HEXD: variants seen among roughly 807,000 people sequenced by gnomAD.
HEXD encodes the protein N-acetyl-beta-galactosaminidase.
A neutral mutation model predicts 54.2 loss-of-function variants in HEXD; 47 were observed. The observed-to-expected ratio is 0.87, with a 90% confidence interval of 0.69 to 1.11. The LOEUF (loss-of-function observed/expected upper bound fraction) is 1.11, where lower values mean the gene tolerates loss of function less well. Ranked by LOEUF, HEXD falls within the 50% of genes least tolerant of loss-of-function variation. HEXD has a pLI of 0.00. For synonymous variants in HEXD, 293 were observed against 287.6 expected (o/e 1.02, Z -0.19); for missense variants, 576 against 649.2 (o/e 0.89, Z 1.23).
chr17:82,425,614 A>T (rs1480050558), intron 3 of HEXD: 1 of 152,538 alleles, frequency 6.6e-6, no homozygotes, highest in East Asian at 1.9e-4. Flanking sequence ...AGATAAATGC[A>T]CAATGGACAT....
intron 6 of HEXD, 126 bp from the exon 7 acceptor site, chr17:82,436,541 G>A (rs890093799): frequency 4.0e-4 from 295 of 729,244 alleles, no homozygotes; most frequent in Non-Finnish European, 5.7e-4. Flanking sequence ...AACCCAGCAC[G>A]GTGCCAAGTC....
chr17:82,436,890 C>G (rs2053785011), intron 7 of HEXD, 152 bp downstream of exon 7: 4 of 701,534 alleles, frequency 5.7e-6, no homozygotes, highest in Middle Eastern at 4.0e-4. Flanking sequence ...GCCCATGGTG[C>G]CTCGGGACGG....
At chr17:82,426,729 C>T (rs2053425084) in intron 3 of HEXD, 1 of 152,280 alleles carries the variant, frequency 6.6e-6, no homozygotes, top group South Asian at 2.1e-4. Flanking sequence ...TGGCTCACGC[C>T]TGTAATCCCA....
intron 4 of HEXD, among the ~76,000 whole-genome samples, chr17:82,431,993 C>G (rs1314732614): frequency 6.6e-6 from 1 of 152,252 alleles, no homozygotes; most frequent in Non-Finnish European, 1.5e-5. Flanking sequence ...GCTGTGTGCA[C>G]TCACTGATGT....
intron 6 of HEXD, 151 bp from the exon 7 acceptor site, chr17:82,436,516 G>A (rs2053771322): frequency 3.2e-6 from 2 of 623,442 alleles, no homozygotes; most frequent in East Asian, 5.8e-5. Context: ...GTGTGGTTGT[G>A]GCATTCATTG....
Position 82,433,815 on chromosome 17 carries a change from G to A in HEXD, c.440G>A (p.Cys147Tyr), listed in dbSNP as rs751042432. ...GGCGCCCAGCGGCTGCACATCGGGT[G>A]TGATGAGGTGGGTACTGTCACCCCA... ...HPGAQRLHIG[C>Y]DEVYYLGEGE... Residue 147 changes from cysteine to tyrosine, a missense_variant, in exon 5 of 13, where the codon TGT (cysteine) becomes TAT (tyrosine). Coordinates refer to ENST00000327949, the MANE Select transcript of HEXD (RefSeq NM_001330542.2). 1.9e-6 allele frequency: 3 copies of A among 1,611,752 alleles called. No individual in the cohort carries two copies. The highest frequency in any genetic ancestry group is 2.5e-6 in the Non-Finnish European group (3 of 1,179,264).
rs768217014 is a variant in HEXD at position 82,428,575 on chromosome 17, A to G, written c.212A>G (p.Glu71Gly). ...CTCTCCAGCCCCTCTGAAATCAAAG[A>G]GATCTTGCATCTGGCTGGACTCAAT... Reference protein sequence around the residue: ...KYAYSPSEIKEILHLAGLNEL... With the variant: ...KYAYSPSEIKGILHLAGLNEL... The change falls in exon 4 of 13, where the codon GAG (glutamate) becomes GGG (glycine). Residue 71 changes from glutamate (E) to glycine (G), a missense_variant. Coordinates refer to ENST00000327949, the MANE Select transcript of HEXD (RefSeq NM_001330542.2). The G allele has an allele frequency of 3.7e-6, 6 of 1,613,180 alleles. No homozygotes were observed. In the African/African-American group the frequency reaches 8.0e-5, roughly 22 times the overall value.
intron 7 of HEXD, 30 bp downstream of exon 7, chr17:82,436,768 TCCTGGCCATGTGCCTGGGAAGGCCATC>T (rs752099984): frequency 2.2e-5 from 35 of 1,596,916 alleles, no homozygotes; most frequent in Non-Finnish European, 3.0e-5. Flanking sequence ...GGGTGTGTTG[TCCTGGCCATGTGCCTGGGAAGGCCATC>T]CCTGGCCCTG....
intron 11 of HEXD, 70 bp downstream of exon 11, chr17:82,441,336 A>C: frequency 9.0e-6 from 5 of 553,240 alleles, no homozygotes; most frequent in Admixed American, 4.4e-5. Flanking sequence ...GTGAGGGGGC[A>C]GGTGTGGGTG....
At chr17:82,428,533 C>T (rs1313202705) in intron 3 of HEXD, 25 bp from the exon 4 acceptor site, 4 of 1,606,490 alleles carry the variant, frequency 2.5e-6, no homozygotes, top group Middle Eastern at 1.7e-4. Flanking sequence ...ACATGACCCT[C>T]TCTCTATGAA....
chr17:82,433,971 T>G (rs2053684894), intron 5 of HEXD, 149 bp downstream of exon 5: 4 of 732,048 alleles, frequency 5.5e-6, no homozygotes, highest in Admixed American at 4.0e-5. Context: ...TCCGAGTGGA[T>G]GGGCGGCCTG....
intron 8 of HEXD, among the ~76,000 whole-genome samples, 163 bp downstream of exon 8, chr17:82,437,526 G>A (rs1037325791): frequency 6.6e-6 from 1 of 152,226 alleles, no homozygotes; most frequent in African/African-American, 2.4e-5. Context: ...GTTGGGCCCT[G>A]CACGCCAGAG....
At chr17:82,428,759 C>A in intron 4 of HEXD, 114 bp downstream of exon 4, 1 of 812,388 alleles carries the variant, frequency 1.2e-6, no homozygotes, top group Non-Finnish European at 2.1e-6. Flanking sequence ...GGGGTGCAGG[C>A]AGCGCAGCTC....
At chr17:82,425,070 G>T (rs1487191214) in intron 3 of HEXD, among the ~76,000 whole-genome samples, 5 of 149,576 alleles carry the variant, frequency 3.3e-5, no homozygotes, top group African/African-American at 1.2e-4. Flanking sequence ...GCTGGAGAAG[G>T]CTGGAGAAGG....
chr17:82,427,502 G>C (rs965948032), intron 3 of HEXD, among the ~76,000 whole-genome samples: 4 of 152,110 alleles, frequency 2.6e-5, no homozygotes, highest in African/African-American at 9.7e-5. Context: ...GGTGAGCCAG[G>C]GTGTTGGCCT....
At chr17:82,424,526 C>G (rs1189551110) in intron 3 of HEXD, 23 bp downstream of exon 3, 4 of 1,558,594 alleles carry the variant, frequency 2.6e-6, no homozygotes, top group African/African-American at 1.4e-5. Context: ...GTGGCAGGTA[C>G]AGGGGCGCGG....
intron 4 of HEXD, among the ~76,000 whole-genome samples, chr17:82,429,500 TTGA>T (rs2053517280): frequency 6.6e-6 from 1 of 152,146 alleles, no homozygotes; most frequent in African/African-American, 2.4e-5. Flanking sequence ...GCCTTTCTAG[TTGA>T]TTCTCTCCAT....
At chr17:82,429,046 G>A (rs932304076) in intron 4 of HEXD, among the ~76,000 whole-genome samples, 5 of 152,064 alleles carry the variant, frequency 3.3e-5, no homozygotes, top group African/African-American at 1.2e-4. Flanking sequence ...GATCACCTGA[G>A]GTCAGGAGTT....
rs1057212497 is a variant in HEXD at position 82,440,308 on chromosome 17, G to A, written c.982+595G>A. The A allele has an allele frequency of 2.4e-5, 30 of 1,261,736 alleles. No homozygotes were observed. In the South Asian group the frequency reaches 3.3e-4, roughly 14 times the overall value. 78.2% of individuals were successfully genotyped at this position (1,261,736 alleles called of 1,614,324 possible). On this transcript the variant is annotated intron_variant, in intron 9 of 12. Transcript: ENST00000327949. ...CGCGGAGAGCGGGACCCGCAGGCGC[G>A]GCGGCCCAGGGACGGGGACGCGGCC... is the stretch of plus-strand genomic sequence containing the variant.
Sources: allele counts gnomAD v4.1 joint callset (sites outside exome capture counted in the v4.1 genomes callset), GRCh38; gene constraint gnomAD v4.1.1; transcripts MANE v1.5; gene names NCBI Gene and HGNC (gene_info 2026-07-23, HGNC 2026-07-21).